ARAP3: variants seen among roughly 807,000 people sequenced by gnomAD.
ARAP3 encodes the protein arf-GAP with Rho-GAP domain, ANK repeat and PH domain-containing protein 3.
In ARAP3, 82 loss-of-function variants were observed where a neutral mutation model predicts 169.2. The observed-to-expected ratio is 0.48, with a 90% CI of 0.41 to 0.58. The LOEUF is 0.58. Ranked by LOEUF, ARAP3 falls within the 20% of genes least tolerant of loss-of-function variation. The pLI is 0.00. For missense variants in ARAP3, 1,764 were observed against 2,018.0 expected (o/e 0.87, Z 2.41); for synonymous variants, 791 against 800.3 (o/e 0.99, Z 0.20).
At chr5:141,655,225 TACACACACAC>T (rs148481472) in intron 32 of ARAP3, 127 bp downstream of exon 32, 188 of 491,100 alleles carry the variant, frequency 3.8e-4, no homozygotes, top group African/African-American at 8.8e-4. Flanking sequence ...CCTGATGGCC[TACACACACAC>T]ACACACACAC....
chr5:141,664,888 C>T, intron 19 of ARAP3, 34 bp downstream of exon 19: 1 of 554,654 alleles, frequency 1.8e-6, no homozygotes, highest in Non-Finnish European at 3.2e-6. Flanking sequence ...ACCCCCCACC[C>T]CCATTGGCTC....
intron 18 of ARAP3, 83 bp from the exon 19 acceptor site, chr5:141,665,168 A>G: frequency 6.4e-7 from 1 of 1,563,230 alleles, no homozygotes; most frequent in South Asian, 1.2e-5. Context: ...CCACCAGCAG[A>G]GGGCAGCAAC....
At chr5:141,663,650 A>G (rs1423453276) in intron 19 of ARAP3, among the ~76,000 whole-genome samples, 1 of 152,176 alleles carries the variant, frequency 6.6e-6, no homozygotes, top group Non-Finnish European at 1.5e-5. Flanking sequence ...TTCGAACACG[A>G]GAGAGGCTGA....
At chr5:141,665,513 C>CCTG in intron 17 of ARAP3, 139 bp from the exon 18 acceptor site, 1 of 793,870 alleles carries the variant, frequency 1.3e-6, no homozygotes, top group South Asian at 1.8e-5. Context: ...GAGTTATGTA[C>CCTG]TATTATTCCC....
intron 4 of ARAP3, among the ~76,000 whole-genome samples, chr5:141,675,804 G>C (rs903792963): frequency 2.6e-5 from 4 of 152,090 alleles, no homozygotes; most frequent in African/African-American, 9.7e-5. Context: ...ACTTCACTGA[G>C]AAATTGAAGT....
At chr5:141,678,791 C>A (rs567291465) in intron 4 of ARAP3, among the ~76,000 whole-genome samples, 2 of 151,940 alleles carry the variant, frequency 1.3e-5, no homozygotes, top group African/African-American at 2.4e-5. Flanking sequence ...CCCGGCCAAC[C>A]CCCCAGCCCT....
intron 6 of ARAP3, 52 bp from the exon 7 acceptor site, chr5:141,673,185 G>A: frequency 1.2e-6 from 2 of 1,611,028 alleles, no homozygotes; most frequent in Non-Finnish European, 1.7e-6. Flanking sequence ...AGCCATGTGT[G>A]CCAGCCCCTG....
rs556884904 is a variant in ARAP3 at position 141,653,646 on chromosome 5, A to G, written c.*304T>C. 5.8e-5 allele frequency: 16 copies of G among 276,216 alleles called. No individual in the cohort carries two copies. The highest frequency in any genetic ancestry group is 3.1e-4 in the African/African-American group (14 of 45,680). 17.1% of individuals were successfully genotyped at this position (276,216 alleles called of 1,614,324 possible). ...GAACCCCTACGTATCAAATATATAA[A>G]GCAGGAGCTGCCCTTGTTCAGGGAT... is the stretch of plus-strand genomic sequence containing the variant. On this transcript the variant is annotated 3_prime_UTR_variant, in exon 33 of 33. Coordinates refer to ENST00000239440, the MANE Select transcript of ARAP3 (RefSeq NM_022481.6).
At chr5:141,656,313 G>A (rs13359221) in intron 27 of ARAP3, 37 bp from the exon 28 acceptor site, 74,163 of 1,611,860 alleles carry the variant, frequency 0.046, 1,870 homozygotes, top group Middle Eastern at 0.07. Flanking sequence ...ATGGAGAGAT[G>A]AGAGATCATG....
At chr5:141,667,512 C>T (rs1207918310) in intron 16 of ARAP3, among the ~76,000 whole-genome samples, 1 of 150,374 alleles carries the variant, frequency 6.7e-6, no homozygotes, top group Non-Finnish European at 1.5e-5. Flanking sequence ...CGGCTCACTG[C>T]AACCTCTGCC....
Position 141,682,200 on chromosome 5 carries a change from G to A in ARAP3, c.-45C>T, listed in dbSNP as rs959133131. 1 of 152,302 alleles carries A rather than the reference G, an allele frequency of 6.6e-6. No homozygotes were observed. Among genetic ancestry groups the A allele is most frequent in the Admixed American group, 6.5e-5 (1 of 15,278 alleles). 9.4% of individuals were successfully genotyped at this position (152,302 alleles called of 1,614,324 possible). A position where few individuals can be genotyped will look rare whatever the true frequency, so the allele number is the denominator to read the frequency against. On this transcript the variant is annotated 5_prime_UTR_variant, in exon 1 of 33. Coordinates refer to ENST00000239440, the MANE Select transcript of ARAP3 (RefSeq NM_022481.6). The stretch of plus-strand genomic sequence containing the variant: ...CACTACGCGGCCGCCGTCCGCTCGC[G>A]GGTGCCCGCCGCTCGTCCGAGGTTC...
chr5:141,657,671 T>C (rs2099909423), intron 25 of ARAP3, among the ~76,000 whole-genome samples: 1 of 152,202 alleles, frequency 6.6e-6, no homozygotes, highest in African/African-American at 2.4e-5. Flanking sequence ...AGAGAAGTGA[T>C]TGATTCTAAT....
At chr5:141,673,916 A>C in intron 4 of ARAP3, 108 bp from the exon 5 acceptor site, 1 of 937,116 alleles carries the variant, frequency 1.1e-6, no homozygotes, top group African/African-American at 1.7e-5. Context: ...AATGCCTGGC[A>C]GGTACTGGAT....
chr5:141,668,675 G>T (rs551696165), intron 16 of ARAP3, among the ~76,000 whole-genome samples: 1 of 152,304 alleles, frequency 6.6e-6, no homozygotes, highest in East Asian at 1.9e-4. Flanking sequence ...GAGACAATGT[G>T]TTAGTGTGAG....
intron 4 of ARAP3, among the ~76,000 whole-genome samples, chr5:141,678,003 A>C (rs2099912430): frequency 6.7e-6 from 1 of 149,474 alleles, no homozygotes; most frequent in South Asian, 2.1e-4. Context: ...GCTGGAGTGC[A>C]GCGGCACAAC....
chr5:141,674,346 C>T (rs2099911866), intron 4 of ARAP3, among the ~76,000 whole-genome samples: 1 of 152,212 alleles, frequency 6.6e-6, no homozygotes, highest in Non-Finnish European at 1.5e-5. Flanking sequence ...CAGTCTCAAA[C>T]TTCTGGGCTC....
intron 17 of ARAP3, 24 bp from the exon 18 acceptor site, chr5:141,665,398 T>G (rs751927615): frequency 6.2e-7 from 1 of 1,612,208 alleles, no homozygotes; most frequent in East Asian, 2.2e-5. Flanking sequence ...CAGTGGACAT[T>G]TTCATGATTA....
chr5:141,660,045 T>C, intron 21 of ARAP3, 119 bp from the exon 22 acceptor site: 4 of 1,317,986 alleles, frequency 3.0e-6, no homozygotes, highest in Non-Finnish European at 4.1e-6. Context: ...AATATTGGCC[T>C]CAAGGAGCTC....
At chr5:141,674,326 T>C (rs1485656733) in intron 4 of ARAP3, among the ~76,000 whole-genome samples, 2 of 152,184 alleles carry the variant, frequency 1.3e-5, no homozygotes, top group Non-Finnish European at 2.9e-5. Context: ...GGTGCAATCA[T>C]GGCTCACTGC....
Sources: allele counts gnomAD v4.1 joint callset (sites outside exome capture counted in the v4.1 genomes callset), GRCh38; gene constraint gnomAD v4.1.1; transcripts MANE v1.5; gene names NCBI Gene and HGNC (gene_info 2026-07-23, HGNC 2026-07-21).